Variants in OVCH1 observed in about 807,000 individuals in gnomAD.
OVCH1 encodes ovochymase 1.
OVCH1 carries 139 observed loss-of-function variants against 138.4 expected under a neutral mutation model. That is an observed-to-expected ratio of 1.00 (90% CI 0.87 to 1.16). OVCH1 has a LOEUF of 1.16. OVCH1 is among the 50% of genes most tolerant of loss of function. The pLI is 0.00. For synonymous variants in OVCH1, 453 were observed against 467.8 expected, an observed-to-expected ratio of 0.97 and a Z score of 0.41; for missense variants, 1,367 against 1,357.9, an observed-to-expected ratio of 1.01 and a Z score of -0.11.
At chr12:29,470,865 T>C (rs1942482989) in intron 16 of OVCH1, among the ~76,000 whole-genome samples, 1 of 152,186 alleles carries the variant, frequency 6.6e-6, no homozygotes, top group African/African-American at 2.4e-5. Flanking sequence ...TTTCTCTACA[T>C]CCACTCCAGC....
At chr12:29,434,408 T>C (rs1333309000) in intron 26 of OVCH1, among the ~76,000 whole-genome samples, 1 of 152,202 alleles carries the variant, frequency 6.6e-6, no homozygotes, top group African/African-American at 2.4e-5. Flanking sequence ...GAATTTTAAA[T>C]ATTATATTTT....
At chr12:29,443,297 A>T (rs2135924394) in intron 25 of OVCH1, 64 bp downstream of exon 25, 1 of 1,515,226 alleles carries the variant, frequency 6.6e-7, no homozygotes, top group Admixed American at 1.9e-5. Context: ...TGAATATGAA[A>T]CAATCTAAAC....
In OVCH1 at chr12:29,491,333, C is replaced by G. The variant is rs1027685613; in HGVS notation, c.455-141G>C. ...TGACATATTTTAAGTTTTGGCCCCT[C>G]CATATAAAACCGTTTTGTATTTATA... On this transcript the variant is annotated intron_variant, in intron 4 of 27. Transcript: ENST00000318184. 3 of 667,712 alleles carry G rather than the reference C, an allele frequency of 4.5e-6. No homozygotes were observed. In the African/African-American group the frequency reaches 5.5e-5, roughly 12 times the overall value. The allele number at this position is 667,712 out of a possible 1,614,324, so 41.4% of individuals were successfully genotyped here.
chr12:29,413,761 G>A (rs1344152955), intron 3 of OVCH1, among the ~76,000 whole-genome samples: 3 of 151,896 alleles, frequency 2.0e-5, no homozygotes, highest in Non-Finnish European at 4.4e-5. Flanking sequence ...CAGCCTATCT[G>A]CTATCCTGGA....
At chr12:29,457,355 C>T (rs1941983251) in intron 19 of OVCH1, among the ~76,000 whole-genome samples, 1 of 149,142 alleles carries the variant, frequency 6.7e-6, no homozygotes, top group Non-Finnish European at 1.5e-5. Context: ...TCATATGGTC[C>T]AGTCCATAGT....
intron 26 of OVCH1, among the ~76,000 whole-genome samples, chr12:29,434,832 T>TA (rs1458684093): frequency 6.6e-6 from 1 of 152,188 alleles, no homozygotes; most frequent in Non-Finnish European, 1.5e-5. Flanking sequence ...AATAACTGAA[T>TA]AAAAGCCAAT....
intron 8 of OVCH1, among the ~76,000 whole-genome samples, chr12:29,485,119 C>A (rs16934324): frequency 0.034 from 5,177 of 151,980 alleles, 275 homozygotes; most frequent in African/African-American, 0.11. Flanking sequence ...AAGATGCTAA[C>A]GTACAATTTG....
At position 29,444,262 on chromosome 12, in the gene OVCH1, AT is replaced by A; in HGVS notation, c.2899del (p.Ile967Ter). 3 of 1,612,082 alleles carry A rather than the reference AT, an allele frequency of 1.9e-6. No individual in the cohort carries two copies. In the South Asian group the frequency reaches 3.3e-5, roughly 18 times the overall value. On this transcript the variant is annotated frameshift_variant, in exon 24 of 28. Transcript: ENST00000318184. LOFTEE classifies it high-confidence loss of function. Reference sequence around the variant, plus strand: ...GTTTGAACTTTGGGAAAGTCTGGTTATTTTACTGTCCTTTGGACCTAAAAGA... The same window carrying A: ...GTTTGAACTTTGGGAAAGTCTGGTTATTTACTGTCCTTTGGACCTAAAAGA...
At chr12:29,434,802 A>G (rs1449098531) in intron 26 of OVCH1, among the ~76,000 whole-genome samples, 1 of 152,198 alleles carries the variant, frequency 6.6e-6, no homozygotes, top group East Asian at 1.9e-4. Context: ...TTTCTGCTAT[A>G]TCAATATAAA....
In OVCH1 at chr12:29,444,129, A is replaced by G. The variant is rs1338975935; in HGVS notation, c.3017+16T>C. On this transcript the variant is annotated intron_variant, in intron 24 of 27. Transcript: ENST00000318184. The stretch of plus-strand genomic sequence containing the variant: ...TCCACACACTTCTTCCATTATAATA[A>G]TCATGACTTCCTTACCCCATAGTAG... 1 of 1,580,154 alleles carries G rather than the reference A, an allele frequency of 6.3e-7. No homozygotes were observed.
chr12:29,404,017 G>A, the OVCH1 span, among the ~76,000 whole-genome samples: 1 of 152,200 alleles, frequency 6.6e-6, no homozygotes, highest in Non-Finnish European at 1.5e-5. Flanking sequence ...AATATTGAAT[G>A]TACAAACACA....
At chr12:29,442,494 G>A (rs1478865729) in intron 25 of OVCH1, among the ~76,000 whole-genome samples, 5 of 103,380 alleles carry the variant, frequency 4.8e-5, no homozygotes, top group African/African-American at 1.8e-4. Context: ...AGGGGGGAGG[G>A]ATAGCTTTAG....
chr12:29,427,121 CCT>C (rs769280055), downstream of OVCH1, among the ~76,000 whole-genome samples: 16 of 152,168 alleles, frequency 1.1e-4, no homozygotes, highest in African/African-American at 2.2e-4. Flanking sequence ...TTGGAGAAAG[CCT>C]CTCTGCTCCA....
Position 29,444,126 on chromosome 12 carries a change from A to C in OVCH1, c.3017+19T>G. Reference sequence around the variant, plus strand: ...TTTTCCACACACTTCTTCCATTATAATAATCATGACTTCCTTACCCCATAG... The same window carrying C: ...TTTTCCACACACTTCTTCCATTATACTAATCATGACTTCCTTACCCCATAG... On this transcript the variant is annotated intron_variant, in intron 24 of 27. Transcript: ENST00000318184. 1.3e-6 allele frequency: 2 copies of C among 1,575,512 alleles called. No homozygotes were observed. Among genetic ancestry groups the C allele is most frequent in the Non-Finnish European group, 1.7e-6 (2 of 1,161,928 alleles).
chr12:29,407,772 AT>A (rs1940902899), downstream of OVCH1, among the ~76,000 whole-genome samples: 1 of 151,452 alleles, frequency 6.6e-6, no homozygotes, highest in Non-Finnish European at 1.5e-5. Flanking sequence ...TTGGTTTAGG[AT>A]TGACTTGGCT....
At chr12:29,427,499 A>C, downstream of OVCH1, 1 of 1,538,218 alleles carries the variant, frequency 6.5e-7, no homozygotes, top group South Asian at 1.2e-5. Flanking sequence ...TGAGGACGTG[A>C]AACTTGAGAC....
At chr12:29,415,930 G>C (rs1341793911) in intron 3 of OVCH1, among the ~76,000 whole-genome samples, 1 of 152,054 alleles carries the variant, frequency 6.6e-6, no homozygotes, top group African/African-American at 2.4e-5. Context: ...GTAGTAGTAT[G>C]TGAAAGGATA....
chr12:29,433,149 A>G (rs1252127486), intron 27 of OVCH1, among the ~76,000 whole-genome samples: 1 of 151,970 alleles, frequency 6.6e-6, no homozygotes, highest in Non-Finnish European at 1.5e-5. Context: ...TGCACACTGT[A>G]TTTTTTTCTT....
chr12:29,454,601 C>G (rs758913664), intron 21 of OVCH1, among the ~76,000 whole-genome samples: 3 of 152,160 alleles, frequency 2.0e-5, no homozygotes, highest in Non-Finnish European at 4.4e-5. Flanking sequence ...CTCCAATATT[C>G]AAGCACTGGT....
Sources: gnomAD v4.1 joint callset for allele counts (sites outside exome capture counted in the v4.1 genomes callset) on GRCh38, gnomAD v4.1.1 for gene constraint, MANE v1.5 for transcripts, NCBI Gene and HGNC (gene_info 2026-07-23, HGNC 2026-07-21) for gene names.